Variants in COL6A6 observed in about 807,000 individuals in gnomAD.
COL6A6 encodes the protein collagen type VI alpha 6 chain.
Under a neutral mutation model 208.6 loss-of-function variants are expected in COL6A6, and 183 were observed. The ratio of observed to expected loss-of-function variants is 0.88; its 90% CI spans 0.78 to 0.99. The LOEUF (loss-of-function observed/expected upper bound fraction) is 0.99. Among genes scored for constraint, COL6A6 ranks in the 50% least tolerant of loss-of-function variants. The pLI is 0.00. For missense variants in COL6A6, 2,816 were observed against 2,815.2 expected (o/e 1.00, Z -0.01); for synonymous variants, 973 against 1,011.8 (o/e 0.96, Z 0.73).
At chr3:130,665,978 C>T (rs952893663) in intron 36 of COL6A6, among the ~76,000 whole-genome samples, 12 of 152,230 alleles carry the variant, frequency 7.9e-5, no homozygotes, top group Non-Finnish European at 1.3e-4. Context: ...AGGTGCACAA[C>T]GTCACCTAAA....
rs377218065 is a variant in COL6A6, at chr3:130,641,756, T to C, written c.5154+42T>C. ...TAAACCACAGCAGGTCCTTTTCCAT[T>C]AAAAAAAAAAAAGTCAGTGCATGAA... On this transcript the variant is annotated intron_variant, in intron 29 of 36. Transcript: ENST00000358511. 6.1e-6 allele frequency: 6 copies of C among 986,968 alleles called. No individual in the cohort carries two copies. The African/African-American group carries it at 8.5e-5, about 14-fold the overall frequency. The allele number at this position is 986,968 out of a possible 1,614,324, so 61.1% of individuals were successfully genotyped here. A position where few individuals can be genotyped will look rare whatever the true frequency, so the allele number is the denominator to read the frequency against.
Position 130,565,372 on chromosome 3 carries a change from A to C in COL6A6, c.1040A>C (p.Asn347Thr). ...VLVTHRDSEDNVTKAAVNLRR... is the reference protein window; with the variant it reads ...VLVTHRDSEDTVTKAAVNLRR... ...GTGACCCACCGAGATTCAGAAGACA[A>C]CGTGACAAAAGCAGCTGTTAACCTC... Residue 347 changes from asparagine (N) to threonine (T), a missense_variant, in exon 4 of 37, where the codon AAC (asparagine) becomes ACC (threonine). Coordinates refer to ENST00000358511, the MANE Select transcript of COL6A6 (RefSeq NM_001102608.3). 1 of 1,613,976 alleles carries C rather than the reference A, an allele frequency of 6.2e-7. No homozygotes were observed. Among genetic ancestry groups the C allele is most frequent in the East Asian group, 2.2e-5 (1 of 44,864 alleles).
At chr3:130,594,173 T>G (rs1467015) in intron 17 of COL6A6, 108 bp from the exon 18 acceptor site, 863,706 of 877,500 alleles carry the variant, frequency 0.98, 425,128 homozygotes, top group African/African-American at 1. Flanking sequence ...AAATAGCCTT[T>G]GTAGAAAAAT....
At chr3:130,626,646 C>A in intron 25 of COL6A6, 99 bp downstream of exon 25, 2 of 824,022 alleles carry the variant, frequency 2.4e-6, no homozygotes, top group South Asian at 1.5e-5. Context: ...GGATACAATC[C>A]TCATGAAGTT....
At chr3:130,666,985 A>T (rs2066090882) in intron 36 of COL6A6, among the ~76,000 whole-genome samples, 1 of 152,216 alleles carries the variant, frequency 6.6e-6, no homozygotes, top group African/African-American at 2.4e-5. Context: ...CTGGTAGGTG[A>T]TTTATCAATT....
At chr3:130,534,623 T>C (rs1577626053) in intron 1 of COL6A6, among the ~76,000 whole-genome samples, 1 of 152,194 alleles carries the variant, frequency 6.6e-6, no homozygotes, top group Non-Finnish European at 1.5e-5. Context: ...TCTTAGTAAA[T>C]ACCTAACATG....
intron 1 of COL6A6, among the ~76,000 whole-genome samples, chr3:130,524,015 T>C (rs1711234669): frequency 6.6e-6 from 1 of 152,168 alleles, no homozygotes; most frequent in South Asian, 2.1e-4. Context: ...TTCCCCCTTC[T>C]CCACGAGTAC....
At chr3:130,645,842 A>C (rs1282322669) in intron 32 of COL6A6, among the ~76,000 whole-genome samples, 1 of 152,230 alleles carries the variant, frequency 6.6e-6, no homozygotes. Flanking sequence ...CTGTAAACTT[A>C]TCACCCTCTT....
intron 12 of COL6A6, 26 bp downstream of exon 12, chr3:130,589,208 T>A: frequency 6.5e-7 from 1 of 1,543,214 alleles, no homozygotes; most frequent in Non-Finnish European, 9.0e-7. Flanking sequence ...ATTTATGGGT[T>A]ACTTTGAGTT....
At chr3:130,519,844 A>C (rs1710961487) in intron 1 of COL6A6, among the ~76,000 whole-genome samples, 1 of 152,246 alleles carries the variant, frequency 6.6e-6, no homozygotes, top group Non-Finnish European at 1.5e-5. Flanking sequence ...AATTGTTTCC[A>C]ATAATTTAGT....
In COL6A6 at chr3:130,581,956, T is replaced by A. The variant is rs770230706; in HGVS notation, c.3892-34T>A. On this transcript the variant is annotated intron_variant, in intron 9 of 36. Transcript: ENST00000358511. ...GTCTATGATTGCAATGAACCCTTTT[T>A]AATTCATTTTACTTTTTTTGAATAC... 1.6e-5 allele frequency: 25 copies of A among 1,588,108 alleles called. No homozygotes were observed. The South Asian group carries it at 2.7e-4, about 17-fold the overall frequency.
At chr3:130,584,121 C>T (rs2063483495) in intron 10 of COL6A6, among the ~76,000 whole-genome samples, 1 of 152,092 alleles carries the variant, frequency 6.6e-6, no homozygotes, top group Non-Finnish European at 1.5e-5. Flanking sequence ...TTTCTTAATT[C>T]ACTGTTAGAA....
chr3:130,668,567 A>T (rs960958238), intron 36 of COL6A6, among the ~76,000 whole-genome samples: 1 of 152,236 alleles, frequency 6.6e-6, no homozygotes, highest in Non-Finnish European at 1.5e-5. Context: ...TGATGGAAAA[A>T]ACATACCAGG....
chr3:130,568,320 G>A lies in COL6A6; in HGVS notation c.2117G>A (p.Ser706Asn). 1 of 1,614,016 alleles carries A rather than the reference G, an allele frequency of 6.2e-7. No individual in the cohort carries two copies. Among genetic ancestry groups the A allele is most frequent in the Non-Finnish European group, 8.5e-7 (1 of 1,179,898 alleles). Residue 706 changes from serine (S) to asparagine (N), a missense_variant, in exon 6 of 37, where the codon AGC (serine) becomes AAC (asparagine). Physicochemically the swap from Ser to Asn is conservative, Grantham distance 46. Coordinates refer to ENST00000358511, the MANE Select transcript of COL6A6 (RefSeq NM_001102608.3). Reference sequence around the variant, plus strand: ...ACCACCCTGACTGGTAGTGCCCTGAGCTTTGTGTCTCAGTACTTCAGCCCC... The same window carrying A: ...ACCACCCTGACTGGTAGTGCCCTGAACTTTGTGTCTCAGTACTTCAGCCCC... ...GQTTLTGSAL[S>N]FVSQYFSPTK...
intron 1 of COL6A6, among the ~76,000 whole-genome samples, chr3:130,542,939 C>T (rs920518576): frequency 7.3e-6 from 1 of 136,220 alleles, no homozygotes; most frequent in Admixed American, 7.6e-5. Flanking sequence ...AGGAGTCTTG[C>T]TCTGTCACCA....
intron 24 of COL6A6, among the ~76,000 whole-genome samples, chr3:130,622,205 C>G (rs544881048): frequency 1.0e-3 from 148 of 141,174 alleles, no homozygotes; most frequent in Non-Finnish European, 1.7e-3. Flanking sequence ...CCCCGCCTAC[C>G]CCCCCCTTTT....
chr3:130,599,161 T>G (rs2063933143), intron 19 of COL6A6, among the ~76,000 whole-genome samples: 1 of 152,300 alleles, frequency 6.6e-6, no homozygotes, highest in African/African-American at 2.4e-5. Flanking sequence ...ATGATGGGAA[T>G]TAATGATATT....
rs1206105533 is a variant in COL6A6, at chr3:130,649,466, C to T, written c.5637C>T (p.His1879=). 2 of 1,611,892 alleles carry T rather than the reference C, an allele frequency of 1.2e-6. No homozygotes were observed. The highest frequency in any genetic ancestry group is 1.7e-5 in the Admixed American group (1 of 59,770). ...GCAGCGGTCAGTCCGCGGATGCCCACTCCATCACCACGGCTGCCATGGAGT... is the reference window on the plus strand; with the variant it reads ...GCAGCGGTCAGTCCGCGGATGCCCATTCCATCACCACGGCTGCCATGGAGT... ...FFSSGQSADA[H]SITTAAMEFG... The change falls in exon 33 of 37, where the codon CAC becomes CAT. Residue 1879 remains histidine (H), a synonymous_variant. Transcript: ENST00000358511.
At chr3:130,663,974 G>A (rs867952168) in intron 35 of COL6A6, among the ~76,000 whole-genome samples, 1 of 152,060 alleles carries the variant, frequency 6.6e-6, no homozygotes, top group South Asian at 2.1e-4. Flanking sequence ...TTGTACTAAC[G>A]CATTCAACAT....
Sources: gnomAD v4.1 joint callset for allele counts (sites outside exome capture counted in the v4.1 genomes callset) on GRCh38, gnomAD v4.1.1 for gene constraint, MANE v1.5 for transcripts, NCBI Gene and HGNC (gene_info 2026-07-23, HGNC 2026-07-21) for gene names.